The following FGL1 variants were observed in gnomAD, a reference collection of about 807,000 sequenced individuals.
The protein encoded by FGL1 is fibrinogen-like protein 1.
A neutral mutation model predicts 43.7 loss-of-function variants in FGL1; 59 were observed. That is an observed-to-expected ratio of 1.35 (90% CI 1.10 to 1.68). FGL1 has a LOEUF of 1.68. Among genes scored for constraint, FGL1 ranks in the 40% most tolerant of loss-of-function variants. The pLI, the probability that FGL1 is intolerant of heterozygous loss-of-function variation, is 0.00. For synonymous variants in FGL1, 192 were observed against 126.5 expected (o/e 1.52, Z -3.48); for missense variants, 596 against 373.0 (o/e 1.60, Z -4.92).
chr8:17,875,599 T>C (rs1298865155), intron 3 of FGL1, among the ~76,000 whole-genome samples: 1 of 132,376 alleles, frequency 7.6e-6, no homozygotes, highest in African/African-American at 2.8e-5. Context: ...CTTTCTTTCT[T>C]TCTTTCTTTC....
At chr8:17,888,323 T>C (rs1438112641) in intron 1 of FGL1, among the ~76,000 whole-genome samples, 1 of 152,168 alleles carries the variant, frequency 6.6e-6, no homozygotes, top group Non-Finnish European at 1.5e-5. Flanking sequence ...TATTCGCTAA[T>C]TAATATAATA....
chr8:17,873,011 T>G (rs891112658), intron 5 of FGL1, among the ~76,000 whole-genome samples: 1 of 152,262 alleles, frequency 6.6e-6, no homozygotes, highest in South Asian at 2.1e-4. Context: ...TTCTTTCAAA[T>G]TGGTTGCAGC....
chr8:17,892,726 T>C (rs2053722548), intron 1 of FGL1, among the ~76,000 whole-genome samples: 1 of 152,222 alleles, frequency 6.6e-6, no homozygotes, highest in South Asian at 2.1e-4. Context: ...CAAATTTTCA[T>C]TATTTTAATC....
At chr8:17,878,649 G>A (rs865921114) in intron 3 of FGL1, among the ~76,000 whole-genome samples, 4 of 152,156 alleles carry the variant, frequency 2.6e-5, no homozygotes, top group African/African-American at 9.7e-5. Flanking sequence ...ATAGTATGCT[G>A]TAGAAAATCA....
intron 2 of FGL1, among the ~76,000 whole-genome samples, chr8:17,884,835 T>C (rs2053604071): frequency 6.6e-6 from 1 of 152,178 alleles, no homozygotes; most frequent in Non-Finnish European, 1.5e-5. Context: ...TTGTCTTTTT[T>C]ATTCACAAAT....
At chr8:17,872,371 T>G (rs2053376916) in intron 5 of FGL1, among the ~76,000 whole-genome samples, 1 of 149,082 alleles carries the variant, frequency 6.7e-6, no homozygotes, top group African/African-American at 2.5e-5. Context: ...GGCGCAATCT[T>G]GGCTCACTGC....
At chr8:17,881,847 A>G in intron 3 of FGL1, 152 bp downstream of exon 3, 1 of 672,616 alleles carries the variant, frequency 1.5e-6, no homozygotes, top group East Asian at 3.3e-5. Flanking sequence ...AAAAAAAAAA[A>G]AAGTAAAGTG....
intron 3 of FGL1, among the ~76,000 whole-genome samples, chr8:17,875,547 T>TTCTCTCTCTCTCTC (rs1435546270): frequency 1.2e-4 from 2 of 16,244 alleles, no homozygotes; most frequent in Non-Finnish European, 1.9e-4. Context: ...CTTTCTTTCT[T>TTCTCTCTCTCTCTC]TCTTTCTTTC....
At chr8:17,890,091 A>C (rs2053683552) in intron 1 of FGL1, among the ~76,000 whole-genome samples, 1 of 152,216 alleles carries the variant, frequency 6.6e-6, no homozygotes. Context: ...TCTTTAGAAG[A>C]CACATTATGT....
intron 1 of FGL1, chr8:17,885,794 G>C (rs1173886333): frequency 2.0e-6 from 1 of 490,862 alleles, no homozygotes; most frequent in South Asian, 2.9e-5. Context: ...ACAGAGGAAG[G>C]ACTCTGGTTC....
At chr8:17,891,683 G>A in intron 1 of FGL1, 1 of 985,186 alleles carries the variant, frequency 1.0e-6, no homozygotes, top group South Asian at 4.7e-5. Context: ...TTGTAAACCT[G>A]AATTAGAATT....
At position 17,864,770 on chromosome 8, in the gene FGL1, AAAAAG is replaced by A. The variant is rs1286392608; in HGVS notation, c.780-24_780-20del. The A allele has an allele frequency of 2.1e-6, 3 of 1,437,256 alleles. No individual in the cohort carries two copies. Among genetic ancestry groups the A allele is most frequent in the Non-Finnish European group, 2.8e-6 (3 of 1,089,118 alleles). 89.0% of individuals were successfully genotyped at this position (1,437,256 alleles called of 1,614,324 possible). A position where few individuals can be genotyped will look rare whatever the true frequency, so the allele number is the denominator to read the frequency against. ...GTGACACCTAGTGGAAGGGAGAAAAAAAAAGAAAACAACAATCAGACTGGAAAAAT... is the reference window on the plus strand; with the variant it reads ...GTGACACCTAGTGGAAGGGAGAAAAAAAAACAACAATCAGACTGGAAAAAT... On this transcript the variant is annotated intron_variant, in intron 7 of 7. Transcript: ENST00000427924.
chr8:17,886,828 T>G (rs2053635729), intron 1 of FGL1, among the ~76,000 whole-genome samples: 1 of 151,194 alleles, frequency 6.6e-6, no homozygotes, highest in Non-Finnish European at 1.5e-5. Context: ...AGTAGGGGAA[T>G]TGGCAAAGCA....
At chr8:17,869,314 C>G (rs2053321552) in intron 5 of FGL1, among the ~76,000 whole-genome samples, 1 of 152,124 alleles carries the variant, frequency 6.6e-6, no homozygotes, top group African/African-American at 2.4e-5. Context: ...TTAAAGCAAT[C>G]TAACAATGAA....
At chr8:17,882,342 T>C (rs1007192162) in intron 2 of FGL1, 163 bp from the exon 3 acceptor site, 1 of 562,424 alleles carries the variant, frequency 1.8e-6, no homozygotes, top group Non-Finnish European at 3.0e-6. Context: ...TACTGCCTAC[T>C]ATTTGAAGAA....
At chr8:17,884,313 T>G (rs1270928688) in intron 2 of FGL1, among the ~76,000 whole-genome samples, 1 of 152,060 alleles carries the variant, frequency 6.6e-6, no homozygotes, top group African/African-American at 2.4e-5. Flanking sequence ...TGCTTCATCC[T>G]GGCAAGTAGC....
chr8:17,873,910 A>G (rs935463871), intron 5 of FGL1, 109 bp downstream of exon 5: 5 of 658,916 alleles, frequency 7.6e-6, no homozygotes, highest in Non-Finnish European at 1.2e-5. Flanking sequence ...GCCATCTGCA[A>G]ATCATAGCAA....
chr8:17,886,846 A>G (rs567935900), intron 1 of FGL1, among the ~76,000 whole-genome samples: 29 of 152,184 alleles, frequency 1.9e-4, no homozygotes, highest in Admixed American at 5.9e-4. Context: ...GCAGCAGTAG[A>G]GAGGAGCACC....
rs2053239755 is a variant in FGL1 at position 17,864,539 on chromosome 8, C to G, written c.*53G>C. 1.9e-6 allele frequency: 3 copies of G among 1,546,798 alleles called. No individual in the cohort carries two copies. In the African/African-American group the frequency reaches 4.1e-5, roughly 21 times the overall value. ...GGATATGTTCAGAATGAGTATTTTTCAAATCACTTTAAACAAAGCTGAATT... is the reference window on the plus strand; with the variant it reads ...GGATATGTTCAGAATGAGTATTTTTGAAATCACTTTAAACAAAGCTGAATT... On this transcript the variant is annotated 3_prime_UTR_variant, in exon 8 of 8. Transcript: ENST00000427924.
Sources: allele counts gnomAD v4.1 joint callset (sites outside exome capture counted in the v4.1 genomes callset), GRCh38; gene constraint gnomAD v4.1.1; transcripts MANE v1.5; gene names NCBI Gene and HGNC (gene_info 2026-07-23, HGNC 2026-07-21).